Variants in PGAP1 observed in about 807,000 individuals in gnomAD.
PGAP1 encodes the protein GPI inositol-deacylase.
A neutral mutation model predicts 127.0 loss-of-function variants in PGAP1; 76 were observed. That is an observed-to-expected ratio of 0.60 (90% CI 0.50 to 0.72). The LOEUF is 0.72. PGAP1 is among the 30% of genes least tolerant of loss of function. The probability of loss-of-function intolerance (pLI) is 0.00; values close to 1 mark genes in which losing one functional copy is unlikely to be tolerated. For synonymous variants in PGAP1, 362 were observed against 366.5 expected (o/e 0.99, Z 0.14); for missense variants, 982 against 1,071.3 (o/e 0.92, Z 1.16).
intron 10 of PGAP1, among the ~76,000 whole-genome samples, chr2:196,889,511 G>A (rs1240795624): frequency 4.7e-5 from 7 of 149,388 alleles, no homozygotes; most frequent in Non-Finnish European, 7.4e-5. Flanking sequence ...AGAATCGTGA[G>A]ATATGCCAAA....
chr2:196,848,664 C>T (rs1232496233), intron 20 of PGAP1, among the ~76,000 whole-genome samples: 3 of 152,076 alleles, frequency 2.0e-5, no homozygotes, highest in African/African-American at 2.4e-5. Flanking sequence ...TCCTTTTATT[C>T]CATTGTATGA....
In PGAP1 at chr2:196,841,208, A is replaced by G; in HGVS notation, c.*26T>C. ...ATCACTGGCCCTAAACACATAAATT[A>G]TCTTCATCATTCCTTAAGTCCAATC... On this transcript the variant is annotated 3_prime_UTR_variant, in exon 27 of 27. Coordinates refer to ENST00000354764, the MANE Select transcript of PGAP1 (RefSeq NM_024989.4). The G allele has an allele frequency of 1.9e-6, 3 of 1,603,470 alleles. No homozygotes were observed. The highest frequency in any genetic ancestry group is 2.6e-6 in the Non-Finnish European group (3 of 1,174,680).
intron 20 of PGAP1, 93 bp from the exon 21 acceptor site, chr2:196,848,130 G>T: frequency 1.4e-6 from 1 of 730,756 alleles, no homozygotes. Flanking sequence ...CATATTTTAT[G>T]TCAGAGAAAG....
intron 7 of PGAP1, among the ~76,000 whole-genome samples, chr2:196,895,946 G>T (rs112035936): frequency 1.5e-4 from 23 of 152,262 alleles, no homozygotes; most frequent in African/African-American, 5.1e-4. Context: ...AGAAGCCAGA[G>T]CCATAGTTCT....
intron 5 of PGAP1, among the ~76,000 whole-genome samples, chr2:196,900,855 A>G (rs1259260628): frequency 2.0e-5 from 3 of 152,222 alleles, no homozygotes; most frequent in Non-Finnish European, 4.4e-5. Flanking sequence ...TGAACCAGAG[A>G]GGCAGAGCTT....
chr2:196,897,147 T>A lies in PGAP1; in HGVS notation c.911A>T (p.Asp304Val), dbSNP rs1323722383. Reference protein sequence around the residue: ...TTVRAFFDLIDADTKQITQNS... With the variant: ...TTVRAFFDLIVADTKQITQNS... ...AATACATACTTGTTTAGTATCAGCA[T>A]CAATAAGATCAAAGAATGCTCGAAC... Residue 304 changes from aspartate (D) to valine (V), a missense_variant, in exon 7 of 27, where the codon GAT becomes GTT. Transcript: ENST00000354764. 1.3e-6 allele frequency: 2 copies of A among 1,572,338 alleles called. No individual in the cohort carries two copies. The highest frequency in any genetic ancestry group is 1.7e-6 in the Non-Finnish European group (2 of 1,151,796).
intron 19 of PGAP1, 135 bp downstream of exon 19, chr2:196,870,806 T>C: frequency 1.8e-6 from 1 of 568,172 alleles, no homozygotes. Context: ...GCAGTGGCAG[T>C]AGCAAAAGAT....
At chr2:196,926,187 G>A (rs905463924) in intron 1 of PGAP1, among the ~76,000 whole-genome samples, 2 of 152,072 alleles carry the variant, frequency 1.3e-5, no homozygotes, top group African/African-American at 2.4e-5. Context: ...ATTTGGGGCT[G>A]GGGAGGAGGC....
intron 20 of PGAP1, among the ~76,000 whole-genome samples, chr2:196,860,533 C>CA (rs1701031045): frequency 6.6e-6 from 1 of 151,464 alleles, no homozygotes; most frequent in Non-Finnish European, 1.5e-5. Flanking sequence ...GACTCCATCT[C>CA]AAAAAAACAA....
At chr2:196,895,096 CAT>C (rs898305330) in intron 7 of PGAP1, among the ~76,000 whole-genome samples, 24 of 152,234 alleles carry the variant, frequency 1.6e-4, no homozygotes, top group African/African-American at 5.3e-4. Context: ...GTCAATTACA[CAT>C]AGTGAGTTTT....
intron 24 of PGAP1, 31 bp downstream of exon 24, chr2:196,844,493 A>G: frequency 6.6e-7 from 1 of 1,517,702 alleles, no homozygotes; most frequent in Non-Finnish European, 8.9e-7. Context: ...TTCATTTTAA[A>G]TTTATGTAGA....
rs1169769172 is a variant in PGAP1 at position 196,893,260 on chromosome 2, G to T, written c.928-15C>A. 2 of 1,327,280 alleles carry T rather than the reference G, an allele frequency of 1.5e-6. No homozygotes were observed. Among genetic ancestry groups the T allele is most frequent in the South Asian group, 2.4e-5 (2 of 82,776 alleles). The allele number at this position is 1,327,280 out of a possible 1,614,324, so 82.2% of individuals were successfully genotyped here. A position where few individuals can be genotyped will look rare whatever the true frequency, so the allele number is the denominator to read the frequency against. On this transcript the variant is annotated splice_polypyrimidine_tract_variant and intron_variant, in intron 7 of 26. Coordinates refer to ENST00000354764, the MANE Select transcript of PGAP1 (RefSeq NM_024989.4). ...TTTTGAGTTATCTAGAAAGAACATT[G>T]ATACATTCTGTATCATTTTGTATCT...
At chr2:196,918,764 G>T (rs1003971878) in intron 2 of PGAP1, among the ~76,000 whole-genome samples, 28 of 152,112 alleles carry the variant, frequency 1.8e-4, no homozygotes, top group Non-Finnish European at 3.5e-4. Flanking sequence ...CCAGGTTACT[G>T]GTAATCTACT....
At chr2:196,842,905 T>C (rs1400338328) in intron 25 of PGAP1, 80 bp from the exon 26 acceptor site, 3 of 614,042 alleles carry the variant, frequency 4.9e-6, no homozygotes, top group Non-Finnish European at 8.0e-6. Context: ...GGATAAATAT[T>C]GTTAAAGACA....
chr2:196,867,583 C>A (rs1701282587), intron 19 of PGAP1, among the ~76,000 whole-genome samples: 3 of 152,214 alleles, frequency 2.0e-5, no homozygotes, highest in Middle Eastern at 3.4e-3. Context: ...ATGGAACAAA[C>A]CTGCACGTTC....
chr2:196,919,869 A>G lies in PGAP1; in HGVS notation c.301+128T>C, dbSNP rs1007354155. 8.9e-6 allele frequency: 8 copies of G among 898,706 alleles called. No homozygotes were observed. In the African/African-American group the frequency reaches 1.2e-4, roughly 13 times the overall value. The allele number at this position is 898,706 out of a possible 1,614,324, so 55.7% of individuals were successfully genotyped here. ...AATATTATATTTTGGTCTCTCTGTAAGCCCAGCACAGCACTTCACACACAG... is the reference window on the plus strand; with the variant it reads ...AATATTATATTTTGGTCTCTCTGTAGGCCCAGCACAGCACTTCACACACAG... On this transcript the variant is annotated intron_variant, in intron 2 of 26. Transcript: ENST00000354764.
chr2:196,857,865 A>G (rs2125787200), intron 20 of PGAP1, among the ~76,000 whole-genome samples: 1 of 152,156 alleles, frequency 6.6e-6, no homozygotes, highest in East Asian at 1.9e-4. Context: ...TAATCATTTC[A>G]AAACAATTGT....
intron 20 of PGAP1, among the ~76,000 whole-genome samples, chr2:196,852,021 T>C (rs1240338154): frequency 6.6e-6 from 1 of 152,208 alleles, no homozygotes; most frequent in African/African-American, 2.4e-5. Flanking sequence ...CCAAATTTTG[T>C]TCCACAGCCT....
chr2:196,921,982 A>C, intron 1 of PGAP1: 1 of 254,540 alleles, frequency 3.9e-6, no homozygotes, highest in Non-Finnish European at 6.7e-6. Context: ...ATAAGAAAAC[A>C]GAAGACGGTC....
Sources: allele counts gnomAD v4.1 joint callset (sites outside exome capture counted in the v4.1 genomes callset), GRCh38; gene constraint gnomAD v4.1.1; transcripts MANE v1.5; gene names NCBI Gene and HGNC (gene_info 2026-07-23, HGNC 2026-07-21).